The following LARP4B variants were observed in gnomAD, a reference collection of about 807,000 sequenced individuals.
LARP4B encodes the protein La ribonucleoprotein 4B.
Under a neutral mutation model 89.8 loss-of-function variants are expected in LARP4B, and 12 were observed. The ratio of observed to expected loss-of-function variants is 0.13; its 90% CI spans 0.09 to 0.22. LARP4B has a LOEUF of 0.22. LARP4B is among the 10% of genes least tolerant of loss of function. The probability of loss-of-function intolerance (pLI) is 1.00; values close to 1 mark genes in which losing one functional copy is unlikely to be tolerated. For synonymous variants in LARP4B, 367 were observed against 363.3 expected (o/e 1.01, Z -0.12); for missense variants, 757 against 947.7 (o/e 0.80, Z 2.64).
intron 3 of LARP4B, among the ~76,000 whole-genome samples, chr10:878,620 C>T (rs892034608): frequency 3.9e-5 from 6 of 152,182 alleles, no homozygotes; most frequent in Admixed American, 1.3e-4. Context: ...TGTACTTTTA[C>T]GATCTGTGCA....
intron 1 of LARP4B, among the ~76,000 whole-genome samples, chr10:920,643 G>A (rs763997752): frequency 9.2e-5 from 14 of 152,138 alleles, no homozygotes; most frequent in South Asian, 2.1e-4. Flanking sequence ...GCATGGTGAC[G>A]TGCCTGTAGT....
intron 1 of LARP4B, among the ~76,000 whole-genome samples, chr10:928,567 T>C (rs548165133): frequency 1.2e-4 from 19 of 152,022 alleles, no homozygotes; most frequent in African/African-American, 3.9e-4. Flanking sequence ...CATTAACAAT[T>C]TGATGTCCCA....
chr10:873,241 C>T (rs1230652113), intron 3 of LARP4B: 24 of 985,372 alleles, frequency 2.4e-5, no homozygotes, highest in Non-Finnish European at 2.5e-5. Flanking sequence ...GAGAAGCCAA[C>T]ACCCAGAGAC....
upstream of LARP4B, among the ~76,000 whole-genome samples, chr10:931,912 G>T (rs1830634113): frequency 6.7e-6 from 1 of 150,060 alleles, no homozygotes; most frequent in Admixed American, 6.6e-5. Flanking sequence ...CACCCTGCTC[G>T]CGGCCTTGCG....
chr10:833,279 A>AAAAAAAAAAAAAC (rs1833017231), intron 8 of LARP4B, among the ~76,000 whole-genome samples: 1 of 139,484 alleles, frequency 7.2e-6, no homozygotes, highest in Non-Finnish European at 1.6e-5. Flanking sequence ...AAAAAAAAAA[A>AAAAAAAAAAAAAC]AAAAACCTCA....
chr10:921,797 T>A (rs936846447), intron 1 of LARP4B, among the ~76,000 whole-genome samples: 2 of 152,170 alleles, frequency 1.3e-5, no homozygotes, highest in Non-Finnish European at 1.5e-5. Flanking sequence ...TAAAGAATAA[T>A]GATTTCAGCA....
the LARP4B span, among the ~76,000 whole-genome samples, chr10:973,438 G>C: frequency 6.6e-6 from 1 of 151,938 alleles, no homozygotes; most frequent in African/African-American, 2.4e-5. Context: ...TGCAAGCTCT[G>C]CCTCCCGGGG....
At chr10:824,512 A>T (rs540698675) in intron 13 of LARP4B, among the ~76,000 whole-genome samples, 1 of 152,146 alleles carries the variant, frequency 6.6e-6, no homozygotes, top group Non-Finnish European at 1.5e-5. Flanking sequence ...CAAACAAACA[A>T]ACAAACAAAC....
chr10:907,916 A>C (rs1403953294), intron 1 of LARP4B, among the ~76,000 whole-genome samples: 1 of 152,182 alleles, frequency 6.6e-6, no homozygotes, highest in African/African-American at 2.4e-5. Context: ...GTTTCCACAA[A>C]AACCCTAGGC....
intron 14 of LARP4B, chr10:820,556 G>A (rs1418298708): frequency 1.1e-5 from 5 of 474,444 alleles, no homozygotes; most frequent in African/African-American, 2.0e-5. Context: ...CCATGCCTGT[G>A]CCACAGCACA....
At chr10:875,219 C>T (rs921039141) in intron 3 of LARP4B, among the ~76,000 whole-genome samples, 10 of 152,218 alleles carry the variant, frequency 6.6e-5, no homozygotes, top group African/African-American at 1.7e-4. Flanking sequence ...GTCTCAGCTC[C>T]ATTTTTACAT....
the LARP4B span, among the ~76,000 whole-genome samples, chr10:959,425 G>A: frequency 2.0e-3 from 109 of 55,130 alleles, 4 homozygotes; most frequent in East Asian, 0.019. Flanking sequence ...CCACCTCCCC[G>A]TCAATCCACC....
Position 929,748 on chromosome 10 carries a change from T to C in LARP4B, c.-40+1680A>G, listed in dbSNP as rs187957917. Among the ~76,000 whole-genome samples the C allele has an allele frequency of 7.5e-3, 1,140 of 152,342 alleles. 66 individuals are homozygous for C. Among genetic ancestry groups the C allele is most frequent in the Admixed American group, 0.069 (1,052 of 15,298 alleles). On this transcript the variant is annotated intron_variant, in intron 1 of 17. Transcript: ENST00000316157. Reference sequence around the variant, plus strand: ...TAGGCAACACGAGGGTAACTTCTAATGAATAAGCCATGCCTTTGTTTCATA... The same window carrying C: ...TAGGCAACACGAGGGTAACTTCTAACGAATAAGCCATGCCTTTGTTTCATA...
At chr10:966,298 T>A in the LARP4B span, among the ~76,000 whole-genome samples, 267 of 152,026 alleles carry the variant, frequency 1.8e-3, no homozygotes, top group Admixed American at 4.1e-3. Context: ...CTATAAAAAA[T>A]TTTAAAAAAT....
chr10:888,977 T>C (rs1050992920), intron 1 of LARP4B, among the ~76,000 whole-genome samples: 3 of 152,054 alleles, frequency 2.0e-5, no homozygotes, highest in African/African-American at 7.2e-5. Context: ...CCCAGCTCCT[T>C]CGGAGGCTGG....
chr10:920,832 C>T (rs1009361859), intron 1 of LARP4B, among the ~76,000 whole-genome samples: 1 of 152,048 alleles, frequency 6.6e-6, no homozygotes, highest in African/African-American at 2.4e-5. Flanking sequence ...AGACTGATAA[C>T]GATGGAACTG....
In LARP4B at chr10:817,941, A is replaced by G. The variant is rs756813488; in HGVS notation, c.1531-52T>C. On this transcript the variant is annotated intron_variant, in intron 14 of 17. Coordinates refer to ENST00000316157, the MANE Select transcript of LARP4B (RefSeq NM_015155.3). Reference sequence around the variant, plus strand: ...ACGGTATGGAGAGAGAAGGCCAAGCAGCTTCTCGTTTCCACACCTGTCTGG... The same window carrying G: ...ACGGTATGGAGAGAGAAGGCCAAGCGGCTTCTCGTTTCCACACCTGTCTGG... 6.5e-6 allele frequency: 10 copies of G among 1,548,540 alleles called. No individual in the cohort carries two copies. In the East Asian group the frequency reaches 2.3e-4, roughly 35 times the overall value.
At chr10:941,628 G>T in the LARP4B span, among the ~76,000 whole-genome samples, 1 of 152,210 alleles carries the variant, frequency 6.6e-6, no homozygotes, top group Non-Finnish European at 1.5e-5. Flanking sequence ...GCCTGATCTT[G>T]CTTTTTAAGC....
chr10:972,862 C>G, the LARP4B span: 1 of 456,872 alleles, frequency 2.2e-6, no homozygotes, highest in Non-Finnish European at 4.4e-6. Flanking sequence ...ACAGAGAATG[C>G]TGGCAGTTCT....
Sources: allele counts gnomAD v4.1 joint callset (sites outside exome capture counted in the v4.1 genomes callset), GRCh38; gene constraint gnomAD v4.1.1; transcripts MANE v1.5; gene names NCBI Gene and HGNC (gene_info 2026-07-23, HGNC 2026-07-21).